Variants in WWOX observed in about 807,000 individuals in gnomAD.
WWOX encodes the protein WW domain-containing oxidoreductase.
WWOX carries 69 observed loss-of-function variants against 46.2 expected under a neutral mutation model. The observed-to-expected ratio is 1.49, with a 90% CI of 1.23 to 1.82. The LOEUF (loss-of-function observed/expected upper bound fraction) is 1.82, where lower values mean the gene tolerates loss of function less well. Ranked by LOEUF, WWOX falls within the 40% of genes most tolerant of loss-of-function variation. The pLI, the probability that WWOX is intolerant of heterozygous loss-of-function variation, is 0.00. For missense variants in WWOX, 919 were observed against 542.6 expected (o/e 1.69, Z -6.89); for synonymous variants, 359 against 202.6 (o/e 1.77, Z -6.56).
At chr16:78,406,300 ATAAATAT>A (rs1419817882) in intron 6 of WWOX, among the ~76,000 whole-genome samples, 1 of 81,376 alleles carries the variant, frequency 1.2e-5, no homozygotes, top group African/African-American at 4.4e-5. Flanking sequence ...GCATATAAAT[ATAAATAT>A]ATATATATAT....
At chr16:78,129,661 G>A (rs563726590) in intron 4 of WWOX, among the ~76,000 whole-genome samples, 200 of 151,204 alleles carry the variant, frequency 1.3e-3, no homozygotes, top group Admixed American at 2.6e-3. Context: ...GCCTCCAGAT[G>A]TTTTTTGTAT....
chr16:78,851,135 A>G (rs1023047143), intron 8 of WWOX, among the ~76,000 whole-genome samples: 6 of 152,188 alleles, frequency 3.9e-5, no homozygotes, highest in Non-Finnish European at 7.3e-5. Context: ...TTCATTAACA[A>G]TATGGCTTTC....
intron 8 of WWOX, among the ~76,000 whole-genome samples, chr16:78,957,365 T>C (rs2151308163): frequency 6.6e-6 from 1 of 152,344 alleles, no homozygotes; most frequent in African/African-American, 2.4e-5. Flanking sequence ...TTGAGCTGAA[T>C]TGTTCTTTTC....
chr16:78,624,898 C>T (rs1247064448), intron 8 of WWOX, among the ~76,000 whole-genome samples: 4 of 152,162 alleles, frequency 2.6e-5, no homozygotes, highest in Admixed American at 2.6e-4. Flanking sequence ...AGGTGATGTT[C>T]ACCTGGAGTC....
At chr16:78,819,833 G>T (rs1405159646) in intron 8 of WWOX, among the ~76,000 whole-genome samples, 1 of 152,202 alleles carries the variant, frequency 6.6e-6, no homozygotes, top group Non-Finnish European at 1.5e-5. Flanking sequence ...GAGCTTACGT[G>T]TTTGCGCCAG....
chr16:78,405,427 A>G (rs891930492), intron 6 of WWOX, among the ~76,000 whole-genome samples: 2 of 152,200 alleles, frequency 1.3e-5, no homozygotes, highest in African/African-American at 4.8e-5. Context: ...TCGACATGTG[A>G]CGGTCCTTTC....
intron 5 of WWOX, among the ~76,000 whole-genome samples, chr16:78,386,123 T>C (rs953950686): frequency 6.6e-5 from 10 of 152,206 alleles, no homozygotes; most frequent in Admixed American, 6.5e-4. Context: ...CAATTTCCTA[T>C]CTCTGTGATC....
chr16:78,662,630 CAT>C (rs2047243028), intron 8 of WWOX, among the ~76,000 whole-genome samples: 1 of 152,154 alleles, frequency 6.6e-6, no homozygotes, highest in Non-Finnish European at 1.5e-5. Flanking sequence ...TTTTAAAAAA[CAT>C]AAAACAACAT....
chr16:78,106,622 T>G (rs35608090), intron 1 of WWOX, among the ~76,000 whole-genome samples: 60,087 of 151,686 alleles, frequency 0.4, 12,577 homozygotes, highest in African/African-American at 0.55. Context: ...CTCCATGTTG[T>G]TCAGGCTGGT....
intron 5 of WWOX, among the ~76,000 whole-genome samples, chr16:78,350,640 T>A (rs1179663330): frequency 8.2e-6 from 1 of 121,874 alleles, no homozygotes; most frequent in Non-Finnish European, 2.0e-5. Context: ...CAGTACTTCT[T>A]TTTTTAGGGC....
At chr16:78,652,728 G>C (rs1270352603) in intron 8 of WWOX, among the ~76,000 whole-genome samples, 4 of 152,044 alleles carry the variant, frequency 2.6e-5, no homozygotes, top group Non-Finnish European at 4.4e-5. Context: ...TTCAGATTTA[G>C]GTTCTTCTGT....
intron 6 of WWOX, among the ~76,000 whole-genome samples, chr16:78,416,020 G>T (rs1328269225): frequency 2.6e-5 from 4 of 152,164 alleles, no homozygotes; most frequent in African/African-American, 9.6e-5. Flanking sequence ...CCTGCATGCT[G>T]CCTTCCATTG....
chr16:79,116,382 C>T (rs2049516176), intron 8 of WWOX, among the ~76,000 whole-genome samples: 3 of 152,208 alleles, frequency 2.0e-5, no homozygotes, highest in South Asian at 2.1e-4. Context: ...CTCTCAAACT[C>T]GCCACTGCTT....
At chr16:79,147,464 G>A (rs1048200504) in intron 8 of WWOX, among the ~76,000 whole-genome samples, 7 of 152,090 alleles carry the variant, frequency 4.6e-5, no homozygotes, top group Non-Finnish European at 1.0e-4. Context: ...AGTATTCCAT[G>A]GTATTGTACA....
intron 5 of WWOX, among the ~76,000 whole-genome samples, chr16:78,221,342 A>C (rs939988119): frequency 6.6e-6 from 1 of 152,210 alleles, no homozygotes. Flanking sequence ...TATTGAGAAA[A>C]GAGGAAGAAG....
At chr16:79,209,394 A>T (rs1482393133) in intron 8 of WWOX, among the ~76,000 whole-genome samples, 2 of 152,204 alleles carry the variant, frequency 1.3e-5, no homozygotes, top group Non-Finnish European at 2.9e-5. Context: ...GTTAGGAAGA[A>T]TTCTGCTTTT....
chr16:78,620,982 A>T (rs990656840), intron 8 of WWOX, among the ~76,000 whole-genome samples: 3 of 152,066 alleles, frequency 2.0e-5, no homozygotes, highest in Non-Finnish European at 4.4e-5. Flanking sequence ...TTTTTTCTAC[A>T]TTGCAATTTC....
rs537299675 is a variant in WWOX, at chr16:78,680,379, C to A, written c.1056+247627C>A. Among the ~76,000 whole-genome samples the A allele has an allele frequency of 5.3e-5, 8 of 152,116 alleles. No individual in the cohort carries two copies. The South Asian group carries it at 1.5e-3, about 28-fold the overall frequency. On this transcript the variant is annotated intron_variant, in intron 8 of 8. Transcript: ENST00000566780. ...AACGACGTAAAAAGACCTATCTCTA[C>A]AAAAATTAGCTGGGCATGGTGTCAC...
intron 8 of WWOX, among the ~76,000 whole-genome samples, chr16:79,190,631 A>T (rs1162323008): frequency 6.6e-6 from 1 of 152,206 alleles, no homozygotes; most frequent in Non-Finnish European, 1.5e-5. Flanking sequence ...AAGATGAACT[A>T]GTTGGTGTTA....
Sources: gnomAD v4.1 joint callset for allele counts (sites outside exome capture counted in the v4.1 genomes callset) on GRCh38, gnomAD v4.1.1 for gene constraint, MANE v1.5 for transcripts, NCBI Gene and HGNC (gene_info 2026-07-23, HGNC 2026-07-21) for gene names.